The following SPIRE2 variants were observed in gnomAD, a reference collection of about 807,000 sequenced individuals.
SPIRE2 encodes spire type actin nucleation factor 2.
Under a neutral mutation model 80.7 loss-of-function variants are expected in SPIRE2, and 76 were observed. The observed-to-expected ratio is 0.94, with a 90% CI of 0.78 to 1.14. SPIRE2 has a LOEUF of 1.14. Among genes scored for constraint, SPIRE2 ranks in the 50% most tolerant of loss-of-function variants. The probability of loss-of-function intolerance (pLI) is 0.00; values close to 1 mark genes in which losing one functional copy is unlikely to be tolerated. For missense variants in SPIRE2, 1,196 were observed against 1,015.3 expected (o/e 1.18, Z -2.42); for synonymous variants, 535 against 432.6 (o/e 1.24, Z -2.94).
chr16:89,859,439 A>G, intron 9 of SPIRE2, 85 bp downstream of exon 9: 1 of 884,470 alleles, frequency 1.1e-6, no homozygotes, highest in East Asian at 3.3e-5. Context: ...CTCAGCCCAC[A>G]TCTTCCTGAG....
chr16:89,837,952 T>TCGTG (rs1430143367), intron 1 of SPIRE2, among the ~76,000 whole-genome samples: 2 of 152,176 alleles, frequency 1.3e-5, no homozygotes, highest in East Asian at 3.8e-4. Context: ...ACTCCTGGTT[T>TCGTG]CGTGCGGGCG....
chr16:89,855,398 A>T (rs932647113), intron 5 of SPIRE2, among the ~76,000 whole-genome samples: 1 of 152,042 alleles, frequency 6.6e-6, no homozygotes, highest in African/African-American at 2.4e-5. Context: ...GCGTCAGACC[A>T]TGGATGCTGT....
intron 12 of SPIRE2, among the ~76,000 whole-genome samples, chr16:89,864,121 AG>A (rs1158483041): frequency 6.6e-6 from 1 of 152,244 alleles, no homozygotes; most frequent in South Asian, 2.1e-4. Context: ...AAGAACAAAC[AG>A]GATGTGAAAC....
At chr16:89,856,046 A>G (rs923910643) in intron 6 of SPIRE2, 67 bp from the exon 7 acceptor site, 4 of 1,579,840 alleles carry the variant, frequency 2.5e-6, no homozygotes, top group Non-Finnish European at 3.4e-6. Context: ...CCGCTTCCCC[A>G]CCGCAGGTCC....
At chr16:89,860,189 T>C (rs2041730244) in intron 9 of SPIRE2, among the ~76,000 whole-genome samples, 1 of 152,168 alleles carries the variant, frequency 6.6e-6, no homozygotes, top group African/African-American at 2.4e-5. Flanking sequence ...CGGGGGCCCT[T>C]CCGGGGTCCT....
In SPIRE2 at chr16:89,857,884, T is replaced by C. The variant is rs112258656; in HGVS notation, c.1103-454T>C. On this transcript the variant is annotated intron_variant, in intron 7 of 14. Coordinates refer to ENST00000378247, the MANE Select transcript of SPIRE2 (RefSeq NM_032451.2). ...CGCACCCAGCCTAGTTCTTCTTCTT[T>C]TTTTTTTTTTTTTTTTGAGACAGAG... 4.5e-4 allele frequency among the ~76,000 whole-genome samples: 57 copies of C among 126,760 alleles called. 1 individual carries two copies. The highest frequency in any genetic ancestry group is 3.2e-3 in the Admixed American group (40 of 12,410). 83.2% of individuals were successfully genotyped at this position (126,760 alleles called of 152,430 possible).
rs1419660793 is a variant in SPIRE2, at chr16:89,828,714, C to T, written c.164C>T (p.Pro55Leu). ...GGCTGCCGCGGGCTGCGGGGCTCGC[C>T]GGGCCGGCGCCTGCGGGATACCGGG... ...FQGCRGLRGS[P>L]GRRLRDTGDL... The change falls in exon 1 of 15, where the codon CCG becomes CTG. Residue 55 changes from proline to leucine, a missense_variant. By Grantham distance (98) the Pro-to-Leu change is moderately conservative. Coordinates refer to ENST00000378247, the MANE Select transcript of SPIRE2 (RefSeq NM_032451.2). The surrounding 1 kb of genome is among the most constrained non-coding windows in gnomAD (Gnocchi z 5.9). 2 of 1,263,614 alleles carry T rather than the reference C, an allele frequency of 1.6e-6. No individual in the cohort carries two copies. The highest frequency in any genetic ancestry group is 5.4e-5 in the South Asian group (2 of 36,706). 78.3% of individuals were successfully genotyped at this position (1,263,614 alleles called of 1,614,324 possible).
rs763171668 is a variant in SPIRE2, at chr16:89,870,161, C to T, written c.2034C>T (p.Asp678=). 1.2e-5 allele frequency: 20 copies of T among 1,610,874 alleles called. No homozygotes were observed. The highest frequency in any genetic ancestry group is 2.7e-5 in the African/African-American group (2 of 74,868). Residue 678 remains aspartate, a synonymous_variant, in exon 15 of 15, where the codon GAC becomes GAT. Transcript: ENST00000378247. ...GTGAGTGCACCAGCTTTGTGGCAGACGTGGTGCGTTCCAGCCGCAAGAGCG... is the reference window on the plus strand; with the variant it reads ...GTGAGTGCACCAGCTTTGTGGCAGATGTGGTGCGTTCCAGCCGCAAGAGCG... ...VCSECTSFVA[D]VVRSSRKSVD... is the part of the protein sequence containing the mutation.
At position 89,828,498 on chromosome 16, in the gene SPIRE2, G is replaced by A. The variant is rs2041346232; in HGVS notation, c.-53G>A. ...CCAGGCTGACCCTGCGCGGCGGAAGGCGCGGCTGCATGGACGCGGGTCCGG... is the reference window on the plus strand; with the variant it reads ...CCAGGCTGACCCTGCGCGGCGGAAGACGCGGCTGCATGGACGCGGGTCCGG... On this transcript the variant is annotated 5_prime_UTR_variant, in exon 1 of 15. Coordinates refer to ENST00000378247, the MANE Select transcript of SPIRE2 (RefSeq NM_032451.2). The surrounding 1 kb of genome is among the most constrained non-coding windows in gnomAD (Gnocchi z 5.9). 4 of 1,000,344 alleles carry A rather than the reference G, an allele frequency of 4.0e-6. No homozygotes were observed. Among genetic ancestry groups the A allele is most frequent in the Non-Finnish European group, 3.6e-6 (3 of 841,214 alleles). The allele number at this position is 1,000,344 out of a possible 1,614,324, so 62.0% of individuals were successfully genotyped here. A position where few individuals can be genotyped will look rare whatever the true frequency, so the allele number is the denominator to read the frequency against.
rs1490652542 is a variant in SPIRE2 at position 89,845,256 on chromosome 16, G to A, written c.245-66G>A. 2.1e-6 allele frequency: 3 copies of A among 1,422,786 alleles called. No individual in the cohort carries two copies. In the African/African-American group the frequency reaches 4.2e-5, roughly 20 times the overall value. 88.1% of individuals were successfully genotyped at this position (1,422,786 alleles called of 1,614,324 possible). The stretch of plus-strand genomic sequence containing the variant: ...GTGTGTCCCCGAGGGGGAGGTGGGG[G>A]GACAGCAGTGTTTATTGGGGTCCCG... On this transcript the variant is annotated intron_variant, in intron 1 of 14. Transcript: ENST00000378247.
At chr16:89,831,198 T>G (rs534490906) in intron 1 of SPIRE2, among the ~76,000 whole-genome samples, 1 of 150,008 alleles carries the variant, frequency 6.7e-6, no homozygotes, top group East Asian at 2.0e-4. Context: ...CGTGAGCCAC[T>G]GCGCCCAGCT....
Position 89,869,690 on chromosome 16 carries a change from C to A in SPIRE2, c.1922+8C>A. ...GAGAAGAGACATCTTTCAGTGCGTT[C>A]TTCGCCTTGCTGCTGATGTCACTGT... is the stretch of plus-strand genomic sequence containing the variant. On this transcript the variant is annotated splice_region_variant and intron_variant, in intron 14 of 14. Coordinates refer to ENST00000378247, the MANE Select transcript of SPIRE2 (RefSeq NM_032451.2). 6.2e-7 allele frequency: 1 copy of A among 1,600,058 alleles called. No individual in the cohort carries two copies. The highest frequency in any genetic ancestry group is 8.6e-7 in the Non-Finnish European group (1 of 1,167,298).
chr16:89,863,633 C>G lies in SPIRE2; in HGVS notation c.1710+23C>G, dbSNP rs775932889. 1 of 1,614,032 alleles carries G rather than the reference C, an allele frequency of 6.2e-7. No individual in the cohort carries two copies. Among genetic ancestry groups the G allele is most frequent in the South Asian group, 1.1e-5 (1 of 91,086 alleles). ...AAGGTGAGGCTGCCTAGACGTGGGG[C>G]TACGCTCTTGCCCGCTGGGTCAGGG... is the stretch of plus-strand genomic sequence containing the variant. On this transcript the variant is annotated intron_variant, in intron 11 of 14. Transcript: ENST00000378247. This position sits in a 1 kb window ranked among gnomAD's most constrained non-coding sequence, Gnocchi z 4.3.
chr16:89,863,872 C>A lies in SPIRE2; in HGVS notation c.1778+11C>A. ...TCTCTTCTGCAAGAGGTGAGCCTTC[C>A]CTTTAGCTGTCAGTTCACAAGGGAA... On this transcript the variant is annotated intron_variant, in intron 12 of 14. Transcript: ENST00000378247. The surrounding 1 kb of genome is among the most constrained non-coding windows in gnomAD (Gnocchi z 4.3). The A allele has an allele frequency of 6.2e-7, 1 of 1,609,998 alleles. No individual in the cohort carries two copies. The highest frequency in any genetic ancestry group is 8.5e-7 in the Non-Finnish European group (1 of 1,177,346).
chr16:89,854,364 T>C lies in SPIRE2; in HGVS notation c.724T>C (p.Trp242Arg). 1.2e-6 allele frequency: 2 copies of C among 1,612,260 alleles called. No individual in the cohort carries two copies. The highest frequency in any genetic ancestry group is 1.7e-6 in the Non-Finnish European group (2 of 1,179,774). Reference sequence around the variant, plus strand: ...GCTGGACAGCCTGGGTCACACAGACTGGGTAAGGCTCACTCCCACCTGACC... The same window carrying C: ...GCTGGACAGCCTGGGTCACACAGACCGGGTAAGGCTCACTCCCACCTGACC... ...AELDSLGHTD[W>R]ARLWVQLMRE... is the part of the protein sequence containing the mutation. Residue 242 changes from tryptophan to arginine, a missense_variant and splice_region_variant, in exon 4 of 15, where the codon TGG becomes CGG. By Grantham distance (101) the Trp-to-Arg change is moderately radical (BLOSUM62 -3). Transcript: ENST00000378247.
In SPIRE2 at chr16:89,856,879, A is replaced by C. The variant is rs978863521; in HGVS notation, c.1102+643A>C. ...AGATCGAGACCAGCCTGGGCAATAT[A>C]GTGAGACCTCATCTCTGCCAAAAAT... On this transcript the variant is annotated intron_variant, in intron 7 of 14. Coordinates refer to ENST00000378247, the MANE Select transcript of SPIRE2 (RefSeq NM_032451.2). Among the ~76,000 whole-genome samples, 6 of 151,722 alleles carry C rather than the reference A, an allele frequency of 4.0e-5. No individual in the cohort carries two copies. In the South Asian group the frequency reaches 6.3e-4, roughly 16 times the overall value.
intron 2 of SPIRE2, among the ~76,000 whole-genome samples, chr16:89,849,626 C>T (rs1260995514): frequency 1.3e-5 from 2 of 152,182 alleles, no homozygotes; most frequent in Non-Finnish European, 2.9e-5. Flanking sequence ...ACCTGGCCAC[C>T]TGGGGACCAC....
intron 1 of SPIRE2, among the ~76,000 whole-genome samples, chr16:89,831,387 T>C (rs2041379748): frequency 6.7e-6 from 1 of 149,384 alleles, no homozygotes; most frequent in Non-Finnish European, 1.5e-5. Context: ...GCTAAACTTT[T>C]TTTCTTTCTT....
chr16:89,860,538 T>A, intron 9 of SPIRE2, 145 bp from the exon 10 acceptor site: 1 of 605,590 alleles, frequency 1.7e-6, no homozygotes. Flanking sequence ...GAACTGCCCG[T>A]GTAGCTACTG....
Sources: gnomAD v4.1 joint callset for allele counts (sites outside exome capture counted in the v4.1 genomes callset) on GRCh38, gnomAD v4.1.1 for gene constraint, Gnocchi (gnomAD v3.1) non-coding constraint, MANE v1.5 for transcripts, NCBI Gene and HGNC (gene_info 2026-07-23, HGNC 2026-07-21) for gene names.